Variants in SPON1 observed in about 807,000 individuals in gnomAD.
SPON1 encodes the protein spondin-1.
Under a neutral mutation model 111.7 loss-of-function variants are expected in SPON1, and 52 were observed. That is an observed-to-expected ratio of 0.47 (90% CI 0.37 to 0.59). The LOEUF (loss-of-function observed/expected upper bound fraction) is 0.59. SPON1 is among the 20% of genes least tolerant of loss of function. The pLI, the probability that SPON1 is intolerant of heterozygous loss-of-function variation, is 0.00. For synonymous variants in SPON1, 410 were observed against 395.8 expected, an observed-to-expected ratio of 1.04 and a Z score of -0.43; for missense variants, 957 against 1,068.5, an observed-to-expected ratio of 0.90 and a Z score of 1.46.
chr11:14,174,322 C>T (rs7937750), intron 6 of SPON1, among the ~76,000 whole-genome samples: 17,301 of 152,190 alleles, frequency 0.11, 1,069 homozygotes, highest in African/African-American at 0.15. Context: ...GGCCACGAGC[C>T]TGCTTCTCTG....
chr11:14,108,789 G>A (rs782338020), intron 5 of SPON1, among the ~76,000 whole-genome samples: 1 of 151,756 alleles, frequency 6.6e-6, no homozygotes, highest in African/African-American at 2.4e-5. Flanking sequence ...AGAGAAGTCA[G>A]TGGAGTTTGG....
chr11:14,115,989 G>A (rs769482835), intron 5 of SPON1, among the ~76,000 whole-genome samples: 7 of 151,994 alleles, frequency 4.6e-5, no homozygotes, highest in Non-Finnish European at 1.0e-4. Context: ...ATTTTGATTT[G>A]TACTTTTTTG....
intron 2 of SPON1, among the ~76,000 whole-genome samples, chr11:14,003,651 A>G (rs1848336774): frequency 6.6e-6 from 1 of 152,154 alleles, no homozygotes; most frequent in African/African-American, 2.4e-5. Flanking sequence ...CTACATAAGC[A>G]CTATTGGCAT....
chr11:14,177,797 A>C (rs1354355827), intron 6 of SPON1, among the ~76,000 whole-genome samples: 2 of 152,218 alleles, frequency 1.3e-5, no homozygotes, highest in Non-Finnish European at 2.9e-5. Context: ...AAGTTAGTTC[A>C]GCCTACACCC....
intron 6 of SPON1, among the ~76,000 whole-genome samples, chr11:14,240,385 G>T (rs1554939547): frequency 3.3e-5 from 5 of 152,184 alleles, no homozygotes; most frequent in African/African-American, 1.2e-4. Context: ...ACAATAAGCT[G>T]TTGACCCTGC....
intron 6 of SPON1, among the ~76,000 whole-genome samples, chr11:14,148,928 T>C (rs1368366001): frequency 2.6e-5 from 4 of 152,164 alleles, no homozygotes; most frequent in Non-Finnish European, 5.9e-5. Context: ...TCAAACACCA[T>C]ACAGTCATGC....
rs782059457 is a variant in SPON1 at position 14,259,293 on chromosome 11, C to T, written c.1506C>T (p.Cys502=). 7 of 1,612,138 alleles carry T rather than the reference C, an allele frequency of 4.3e-6. No individual in the cohort carries two copies. In the Middle Eastern group the frequency reaches 6.6e-4, roughly 153 times the overall value. The change falls in exon 12 of 16, where the codon TGC becomes TGT. Residue 502 remains cysteine, a synonymous_variant. Coordinates refer to ENST00000576479, the MANE Select transcript of SPON1 (RefSeq NM_006108.4). The surrounding 1 kb of genome is among the most constrained non-coding windows in gnomAD (Gnocchi z 5.0). ...PGCSDEDGST[C]TMSEWITWSP... ...GGTGTGTTGCAGACGGCTCCACCTGCACCATGTCCGAGTGGATCACCTGGT... is the reference window on the plus strand; with the variant it reads ...GGTGTGTTGCAGACGGCTCCACCTGTACCATGTCCGAGTGGATCACCTGGT...
rs1848720762 is a variant in SPON1, at chr11:14,224,889, G to T, written c.826-18443G>T. On this transcript the variant is annotated intron_variant, in intron 6 of 15. Coordinates refer to ENST00000576479, the MANE Select transcript of SPON1 (RefSeq NM_006108.4). Reference sequence around the variant, plus strand: ...GTAGCCTGATCAAGTGTCTGTTTTAGAAAGTTCTGTCTGATGGACTGGGTG... The same window carrying T: ...GTAGCCTGATCAAGTGTCTGTTTTATAAAGTTCTGTCTGATGGACTGGGTG... 6 of 279,796 alleles carry T rather than the reference G, an allele frequency of 2.1e-5. No homozygotes were observed. The South Asian group carries it at 2.4e-4, about 11-fold the overall frequency. 17.3% of individuals were successfully genotyped at this position (279,796 alleles called of 1,614,324 possible).
chr11:14,059,985 C>A (rs1397341143), intron 3 of SPON1, among the ~76,000 whole-genome samples: 6 of 152,150 alleles, frequency 3.9e-5, no homozygotes. Flanking sequence ...CCTGGCTCTA[C>A]CCAGTCTGAG....
At chr11:13,986,166 A>G (rs1554910304) in intron 2 of SPON1, among the ~76,000 whole-genome samples, 1 of 152,222 alleles carries the variant, frequency 6.6e-6, no homozygotes, top group Non-Finnish European at 1.5e-5. Flanking sequence ...CCTCCTTGTC[A>G]TCATCCCATA....
intron 5 of SPON1, among the ~76,000 whole-genome samples, chr11:14,086,352 T>C (rs1214505289): frequency 6.6e-6 from 1 of 152,246 alleles, no homozygotes; most frequent in South Asian, 2.1e-4. Flanking sequence ...GTTTTTAGCA[T>C]GAAGCAGTGT....
intron 6 of SPON1, among the ~76,000 whole-genome samples, chr11:14,139,502 T>C (rs1847627536): frequency 6.6e-6 from 1 of 152,224 alleles, no homozygotes. Context: ...CTTGGCATAG[T>C]ATTGGATGCT....
At chr11:14,187,325 A>G (rs540694681) in intron 6 of SPON1, among the ~76,000 whole-genome samples, 78 of 152,272 alleles carry the variant, frequency 5.1e-4, no homozygotes, top group African/African-American at 1.8e-3. Flanking sequence ...GAGGGGACAA[A>G]TATCCAAACC....
chr11:14,244,003 A>C (rs1159813522), intron 7 of SPON1, among the ~76,000 whole-genome samples: 1 of 152,130 alleles, frequency 6.6e-6, no homozygotes, highest in Non-Finnish European at 1.5e-5. Flanking sequence ...TCACCTTCAA[A>C]CAAACCTGCT....
intron 5 of SPON1, among the ~76,000 whole-genome samples, chr11:14,117,127 G>A (rs1609339): frequency 0.031 from 4,768 of 152,090 alleles, 192 homozygotes; most frequent in African/African-American, 0.094. Flanking sequence ...TGGAATTTAC[G>A]TACACAATAA....
At chr11:14,111,781 C>G (rs1849228487) in intron 5 of SPON1, among the ~76,000 whole-genome samples, 1 of 152,084 alleles carries the variant, frequency 6.6e-6, no homozygotes, top group African/African-American at 2.4e-5. Flanking sequence ...GCTTCTTAAG[C>G]TCAACTTATG....
chr11:14,191,048 A>G (rs1848343194), intron 6 of SPON1, among the ~76,000 whole-genome samples: 1 of 152,212 alleles, frequency 6.6e-6, no homozygotes, highest in African/African-American at 2.4e-5. Context: ...TCTAAAGCTT[A>G]TTTAGAAGCC....
chr11:14,044,354 A>G (rs1235165431), intron 3 of SPON1, among the ~76,000 whole-genome samples: 3 of 152,170 alleles, frequency 2.0e-5, no homozygotes, highest in Middle Eastern at 3.2e-3. Flanking sequence ...GCTCATGCCT[A>G]TAATCCCAGC....
chr11:14,005,831 T>C (rs1159456310), intron 2 of SPON1, among the ~76,000 whole-genome samples: 4 of 152,200 alleles, frequency 2.6e-5, no homozygotes, highest in Non-Finnish European at 5.9e-5. Context: ...TGTTGAAAGT[T>C]CAACTCTAGA....
Sources: gnomAD v4.1 joint callset for allele counts (sites outside exome capture counted in the v4.1 genomes callset) on GRCh38, gnomAD v4.1.1 for gene constraint, Gnocchi (gnomAD v3.1) non-coding constraint, MANE v1.5 for transcripts, NCBI Gene and HGNC (gene_info 2026-07-23, HGNC 2026-07-21) for gene names.